The following TSPEAR variants were observed in gnomAD, a reference collection of about 807,000 sequenced individuals.
TSPEAR encodes the protein thrombospondin type laminin G domain and EAR repeats.
Under a neutral mutation model 71.6 loss-of-function variants are expected in TSPEAR, and 69 were observed. The observed-to-expected ratio is 0.96, with a 90% CI of 0.79 to 1.18. The LOEUF (loss-of-function observed/expected upper bound fraction) is 1.18. Among genes scored for constraint, TSPEAR ranks in the 50% most tolerant of loss-of-function variants. TSPEAR has a pLI of 0.00. For missense variants in TSPEAR, 971 were observed against 894.9 expected (o/e 1.09, Z -1.09); for synonymous variants, 402 against 387.2 (o/e 1.04, Z -0.45).
At chr21:44,708,400 C>T (rs1555952937) in intron 1 of TSPEAR, among the ~76,000 whole-genome samples, 1 of 152,130 alleles carries the variant, frequency 6.6e-6, no homozygotes, top group Non-Finnish European at 1.5e-5. Context: ...CAGGACTCCC[C>T]AGCACTCACA....
intron 1 of TSPEAR, among the ~76,000 whole-genome samples, chr21:44,634,534 G>A (rs937338176): frequency 6.6e-6 from 1 of 152,172 alleles, no homozygotes; most frequent in Non-Finnish European, 1.5e-5. Flanking sequence ...ACACTATCAA[G>A]AGAGTAAAAC....
intron 1 of TSPEAR, chr21:44,702,633 T>C (rs1555951713): frequency 6.3e-7 from 1 of 1,598,440 alleles, no homozygotes; most frequent in Non-Finnish European, 8.6e-7. Flanking sequence ...TCTGCCACCC[T>C]GTGTGCAGGC....
intron 1 of TSPEAR, chr21:44,697,158 C>T (rs1234025591): frequency 1.9e-6 from 3 of 1,596,420 alleles, no homozygotes; most frequent in Non-Finnish European, 1.7e-6. Flanking sequence ...CACTGTCTCC[C>T]TCTCAGCTCC....
chr21:44,502,334 C>T (rs1413532227), intron 11 of TSPEAR, among the ~76,000 whole-genome samples: 1 of 152,174 alleles, frequency 6.6e-6, no homozygotes, highest in Non-Finnish European at 1.5e-5. Context: ...TCAATTAGAA[C>T]ACTAGAAATC....
intron 9 of TSPEAR, chr21:44,511,120 A>C (rs1302963528): frequency 1.3e-5 from 2 of 152,220 alleles, no homozygotes; most frequent in Non-Finnish European, 2.9e-5. Flanking sequence ...GACTCAGCAG[A>C]AGAGAAACAG....
chr21:44,698,177 GGCCCCTGTGGTCTC>G (rs1256087120), intron 1 of TSPEAR: 1 of 602,528 alleles, frequency 1.7e-6, no homozygotes, highest in Non-Finnish European at 2.9e-6. Context: ...CCACATTCCA[GGCCCCTGTGGTCTC>G]GCCTCCTTGG....
chr21:44,505,710 A>G (rs1366470550), intron 10 of TSPEAR, among the ~76,000 whole-genome samples: 1 of 151,686 alleles, frequency 6.6e-6, no homozygotes, highest in Admixed American at 6.6e-5. Flanking sequence ...CAGTGACTCA[A>G]GGTTCATCCG....
rs781858508 is a variant in TSPEAR, at chr21:44,689,712, A to AATGAATATATATATATAT, written c.82+21720_82+21721insATATATATATATATTCAT. Among the ~76,000 whole-genome samples, 206 of 62,010 alleles carry AATGAATATATATATATAT rather than the reference A, an allele frequency of 3.3e-3. 6 individuals carry two copies. The highest frequency in any genetic ancestry group is 7.8e-3 in the South Asian group (12 of 1,530). The allele number at this position is 62,010 out of a possible 152,430, so 40.7% of individuals were successfully genotyped here. On this transcript the variant is annotated intron_variant, in intron 1 of 11. Transcript: ENST00000323084. ...TCCCTTAGAGGGACAGAATAGAATG[A>AATGAATATATATATATAT]ATATATATATATATATATATATATA...
intron 11 of TSPEAR, among the ~76,000 whole-genome samples, chr21:44,503,337 CG>C (rs1326344943): frequency 8.0e-6 from 1 of 124,664 alleles, no homozygotes; most frequent in African/African-American, 3.0e-5. Flanking sequence ...GGTGAGCCCT[CG>C]GGGGGAAGCA....
chr21:44,677,297 T>G lies in TSPEAR; in HGVS notation c.82+34136A>C, dbSNP rs587657511. On this transcript the variant is annotated intron_variant, in intron 1 of 11. Transcript: ENST00000323084. ...TGTGTTCCTTCAACGCACCTTGCAC[T>G]GTGTGCCACTTAGCAGACTTCTTCT... The G allele has an allele frequency of 2.8e-4, 233 of 846,326 alleles. 6 individuals carry two copies. The South Asian group carries it at 3.3e-3, about 12-fold the overall frequency. The allele number at this position is 846,326 out of a possible 1,614,324, so 52.4% of individuals were successfully genotyped here. A position where few individuals can be genotyped will look rare whatever the true frequency, so the allele number is the denominator to read the frequency against.
intron 11 of TSPEAR, among the ~76,000 whole-genome samples, chr21:44,501,739 T>G (rs1395880421): frequency 1.3e-5 from 2 of 152,198 alleles, no homozygotes; most frequent in African/African-American, 2.4e-5. Flanking sequence ...CACTTCAGCC[T>G]GGGCTACAGA....
chr21:44,569,694 G>A (rs782011215), intron 1 of TSPEAR, among the ~76,000 whole-genome samples: 3 of 152,160 alleles, frequency 2.0e-5, no homozygotes, highest in Non-Finnish European at 4.4e-5. Context: ...AGGCTTTGCC[G>A]CTTCTTGGAA....
intron 1 of TSPEAR, chr21:44,591,319 A>G (rs1200282586): frequency 1.3e-6 from 2 of 1,543,406 alleles, no homozygotes. Context: ...CAGAGAGGGC[A>G]GAGCTTGCTG....
chr21:44,705,464 C>T (rs1188307999), intron 1 of TSPEAR, among the ~76,000 whole-genome samples: 1 of 152,242 alleles, frequency 6.6e-6, no homozygotes, highest in Non-Finnish European at 1.5e-5. Flanking sequence ...AGCCATATTT[C>T]TCTTCTTTCA....
intron 1 of TSPEAR, among the ~76,000 whole-genome samples, chr21:44,636,027 A>G (rs1197778626): frequency 6.6e-6 from 1 of 151,992 alleles, no homozygotes; most frequent in African/African-American, 2.4e-5. Context: ...TCTTCTATTC[A>G]TTTCTTTTGT....
At position 44,584,038 on chromosome 21, in the gene TSPEAR, C is replaced by T. The variant is rs76689796; in HGVS notation, c.83-16033G>A. ...GTGGATAAAGCACACAGTTCTTGCA[C>T]ACCTGTATTAATAATCGCTGAAAGG... On this transcript the variant is annotated intron_variant, in intron 1 of 11. Transcript: ENST00000323084. Among the ~76,000 whole-genome samples, 1,281 of 152,304 alleles carry T rather than the reference C, an allele frequency of 8.4e-3. 15 individuals carry two copies. Among genetic ancestry groups the T allele is most frequent in the African/African-American group, 0.028 (1,181 of 41,560 alleles).
At chr21:44,513,687 A>C (rs2052466775) in intron 9 of TSPEAR, among the ~76,000 whole-genome samples, 2 of 152,206 alleles carry the variant, frequency 1.3e-5, no homozygotes, top group Non-Finnish European at 2.9e-5. Flanking sequence ...TCAGTGGATT[A>C]GTTGCTGGGC....
chr21:44,626,555 C>T (rs1982795981), intron 1 of TSPEAR, among the ~76,000 whole-genome samples: 1 of 152,192 alleles, frequency 6.6e-6, no homozygotes, highest in African/African-American at 2.4e-5. Flanking sequence ...ACGATCCCTG[C>T]CCTGGAACAG....
chr21:44,608,514 C>T (rs1229772648), intron 1 of TSPEAR, among the ~76,000 whole-genome samples: 1 of 152,196 alleles, frequency 6.6e-6, no homozygotes, highest in Admixed American at 6.5e-5. Flanking sequence ...TGCATGTATA[C>T]AACTCATATT....
Sources: allele counts gnomAD v4.1 joint callset (sites outside exome capture counted in the v4.1 genomes callset), GRCh38; gene constraint gnomAD v4.1.1; transcripts MANE v1.5; gene names NCBI Gene and HGNC (gene_info 2026-07-23, HGNC 2026-07-21).